The following SLC11A2 variants were observed in gnomAD, a reference collection of about 807,000 sequenced individuals.
SLC11A2 encodes the protein solute carrier family 11 member 2.
A neutral mutation model predicts 68.0 loss-of-function variants in SLC11A2; 38 were observed. That is an observed-to-expected ratio of 0.56 (90% CI 0.43 to 0.73). The LOEUF is 0.73. SLC11A2 is among the 30% of genes least tolerant of loss of function. The pLI is 0.00. For missense variants in SLC11A2, 517 were observed against 690.5 expected (o/e 0.75, Z 2.82); for synonymous variants, 242 against 250.6 (o/e 0.97, Z 0.32).
At chr12:50,972,753 G>A in the SLC11A2 span, among the ~76,000 whole-genome samples, 1 of 152,344 alleles carries the variant, frequency 6.6e-6, no homozygotes, top group South Asian at 2.1e-4. Flanking sequence ...CAAGGGAAGT[G>A]GGGACAAACA....
chr12:51,016,681 CAA>C (rs35475519), intron 1 of SLC11A2, among the ~76,000 whole-genome samples: 4 of 123,370 alleles, frequency 3.2e-5, no homozygotes, highest in Non-Finnish European at 4.9e-5. Context: ...GACTCCATCT[CAA>C]AAAAAAAAAA....
At chr12:51,015,095 G>A (rs1943533768) in intron 1 of SLC11A2, among the ~76,000 whole-genome samples, 1 of 151,850 alleles carries the variant, frequency 6.6e-6, no homozygotes, top group Non-Finnish European at 1.5e-5. Flanking sequence ...GGGAGGTGGA[G>A]GTTGCGGTGA....
chr12:50,983,086 A>T (rs1940208365), downstream of SLC11A2, among the ~76,000 whole-genome samples: 3 of 152,066 alleles, frequency 2.0e-5, no homozygotes, highest in Admixed American at 6.6e-5. Context: ...CCAATGACAC[A>T]ATCTTGGCTC....
At chr12:50,954,039 G>C in the SLC11A2 span, 1 of 1,613,324 alleles carries the variant, frequency 6.2e-7, no homozygotes, top group South Asian at 1.1e-5. Context: ...GAGGATGAAG[G>C]CCAATTATCC....
the SLC11A2 span, among the ~76,000 whole-genome samples, chr12:50,967,394 G>A: frequency 6.6e-6 from 1 of 152,078 alleles, no homozygotes; most frequent in African/African-American, 2.4e-5. Context: ...TGGTCCACTT[G>A]CCTCAGCCTC....
intron 1 of SLC11A2, among the ~76,000 whole-genome samples, chr12:51,011,417 C>A (rs1029576639): frequency 6.6e-6 from 1 of 152,060 alleles, no homozygotes. Context: ...CATGAGCCAA[C>A]GCACCTGGCC....
chr12:51,021,556 G>A (rs571990480), intron 1 of SLC11A2, among the ~76,000 whole-genome samples: 1 of 151,980 alleles, frequency 6.6e-6, no homozygotes, highest in Non-Finnish European at 1.5e-5. Context: ...GAGCCTGGGA[G>A]GCAGAGGTTG....
rs201703563 is a variant in SLC11A2, at chr12:51,004,824, C to G, written c.393G>C (p.Leu131=). 78 of 1,613,852 alleles carry G rather than the reference C, an allele frequency of 4.8e-5. No individual in the cohort carries two copies. The highest frequency in any genetic ancestry group is 8.3e-5 in the Admixed American group (5 of 59,982). ...LAARLGVVTG[L]HLAEVCHRQY... ...GACGGTGACATACTTCAGCAAGATG[C>G]AGCCCAGTAACCACTCCCAGTCTAG... The change falls in exon 5 of 16, where the codon CTG becomes CTC. Residue 131 remains leucine, a synonymous_variant. Coordinates refer to ENST00000262052, the MANE Select transcript of SLC11A2 (RefSeq NM_000617.3).
intron 10 of SLC11A2, among the ~76,000 whole-genome samples, chr12:50,995,371 A>G (rs1032101002): frequency 5.3e-5 from 8 of 152,204 alleles, no homozygotes; most frequent in African/African-American, 1.9e-4. Context: ...ATGACAAGAC[A>G]AAGTCTGTCA....
the SLC11A2 span, among the ~76,000 whole-genome samples, chr12:50,956,265 G>A: frequency 3.7e-3 from 562 of 152,154 alleles, 3 homozygotes; most frequent in African/African-American, 0.012. Context: ...GGTGGCAGGC[G>A]CCTGTAGTCC....
chr12:51,026,415 C>T (rs141285935), upstream of SLC11A2: 6 of 1,219,350 alleles, frequency 4.9e-6, no homozygotes, highest in African/African-American at 7.7e-5. Context: ...CGCGATTGGT[C>T]GACAGGACGG....
chr12:50,992,150 C>T (rs1941213913), intron 13 of SLC11A2, 40 bp downstream of exon 13: 1 of 1,609,472 alleles, frequency 6.2e-7, no homozygotes, highest in Non-Finnish European at 8.5e-7. Context: ...CATAATGCTA[C>T]CTGAATAACT....
chr12:50,992,674 G>C, intron 12 of SLC11A2, 136 bp downstream of exon 12: 1 of 900,100 alleles, frequency 1.1e-6, no homozygotes, highest in Non-Finnish European at 1.7e-6. Flanking sequence ...GGAGGTTGCA[G>C]TGAGCCGAGA....
Position 50,992,930 on chromosome 12 carries a change from C to T in SLC11A2, c.1078-1G>A. 6.2e-7 allele frequency: 1 copy of T among 1,613,880 alleles called. No homozygotes were observed. The highest frequency in any genetic ancestry group is 8.5e-7 in the Non-Finnish European group (1 of 1,179,940). ...CAAAGTAACATCCCAGCACAACACC[C>T]TGTGAGAGGCCAAGAGGAAGGATAT... is the stretch of plus-strand genomic sequence containing the variant. On this transcript the variant is annotated splice_acceptor_variant, in intron 11 of 15. Transcript: ENST00000262052. LOFTEE classifies it high-confidence loss of function.
At chr12:51,021,082 C>A (rs944037694) in intron 1 of SLC11A2, among the ~76,000 whole-genome samples, 1 of 152,102 alleles carries the variant, frequency 6.6e-6, no homozygotes, top group African/African-American at 2.4e-5. Context: ...CAAAGCGAGA[C>A]CCTGTCTAGA....
At chr12:50,961,570 T>C in the SLC11A2 span, among the ~76,000 whole-genome samples, 2 of 152,330 alleles carry the variant, frequency 1.3e-5, no homozygotes, top group African/African-American at 4.8e-5. Context: ...GTTTCAGCAA[T>C]AGGCAAATCT....
At chr12:50,988,945 C>T (rs1481645973) in intron 15 of SLC11A2, among the ~76,000 whole-genome samples, 1 of 152,050 alleles carries the variant, frequency 6.6e-6, no homozygotes, top group East Asian at 1.9e-4. Context: ...AACTCCTAAC[C>T]TCAAGCAATC....
chr12:51,024,996 A>C (rs1944285214), intron 1 of SLC11A2, among the ~76,000 whole-genome samples: 1 of 152,260 alleles, frequency 6.6e-6, no homozygotes, highest in Admixed American at 6.5e-5. Context: ...CAATGAAAAA[A>C]TAAACAGCCG....
At chr12:51,019,697 G>C (rs899688816) in intron 1 of SLC11A2, among the ~76,000 whole-genome samples, 2 of 149,876 alleles carry the variant, frequency 1.3e-5, no homozygotes, top group Non-Finnish European at 3.0e-5. Flanking sequence ...ACCCAGGCTG[G>C]AGTGCAGTGG....
Sources: allele counts gnomAD v4.1 joint callset (sites outside exome capture counted in the v4.1 genomes callset), GRCh38; gene constraint gnomAD v4.1.1; transcripts MANE v1.5; gene names NCBI Gene and HGNC (gene_info 2026-07-23, HGNC 2026-07-21).